MRPS27: variants seen among roughly 807,000 people sequenced by gnomAD.
MRPS27 encodes mitochondrial ribosomal protein S27.
MRPS27 carries 43 observed loss-of-function variants against 48.9 expected under a neutral mutation model. The ratio of observed to expected loss-of-function variants is 0.88; its 90% CI spans 0.69 to 1.13. MRPS27 has a LOEUF of 1.13. MRPS27 is among the 50% of genes most tolerant of loss of function. The pLI, the probability that MRPS27 is intolerant of heterozygous loss-of-function variation, is 0.00. For missense variants in MRPS27, 467 were observed against 476.3 expected, an observed-to-expected ratio of 0.98 and a Z score of 0.18; for synonymous variants, 188 against 171.9, an observed-to-expected ratio of 1.09 and a Z score of -0.73.
intron 4 of MRPS27, chr5:72,241,529 A>G: frequency 9.8e-7 from 1 of 1,020,014 alleles, no homozygotes; most frequent in Non-Finnish European, 1.4e-6. Context: ...TTGGATGGCA[A>G]GTTTGAGAAG....
intron 3 of MRPS27, 74 bp downstream of exon 3, chr5:72,297,558 G>A (rs954911920): frequency 3.5e-6 from 3 of 867,678 alleles, no homozygotes; most frequent in Admixed American, 4.4e-5. Flanking sequence ...TATTTACACA[G>A]CCTCATCTAC....
chr5:72,289,489 T>C (rs187005255), intron 4 of MRPS27, among the ~76,000 whole-genome samples: 93 of 152,098 alleles, frequency 6.1e-4, no homozygotes, highest in African/African-American at 2.2e-3. Flanking sequence ...TGGTATGACC[T>C]CGGTTCACTG....
chr5:72,267,138 A>C (rs1749125185), intron 4 of MRPS27, among the ~76,000 whole-genome samples: 1 of 152,214 alleles, frequency 6.6e-6, no homozygotes, highest in South Asian at 2.1e-4. Flanking sequence ...AGCAATGCTA[A>C]AGAATCTGAC....
At position 72,314,072 on chromosome 5, in the gene MRPS27, G is replaced by T. The variant is rs754049227; in HGVS notation, c.151+9C>A. ...AAATGACACATATAATAGTCCAATA[G>T]GTACCTACCAAGACAGTAATGTTCT... On this transcript the variant is annotated intron_variant, in intron 2 of 10. Coordinates refer to ENST00000261413, the MANE Select transcript of MRPS27 (RefSeq NM_015084.3). 22 of 1,605,962 alleles carry T rather than the reference G, an allele frequency of 1.4e-5. No individual in the cohort carries two copies. In the East Asian group the frequency reaches 4.5e-4, roughly 33 times the overall value.
rs1417041352 is a variant in MRPS27, at chr5:72,302,111, T to C, written c.152-4409A>G. Among the ~76,000 whole-genome samples, 7 of 152,320 alleles carry C rather than the reference T, an allele frequency of 4.6e-5. No homozygotes were observed. In the South Asian group the frequency reaches 8.3e-4, roughly 18 times the overall value. On this transcript the variant is annotated intron_variant, in intron 2 of 10. Coordinates refer to ENST00000261413, the MANE Select transcript of MRPS27 (RefSeq NM_015084.3). ...ATTTGAATTCTTCATTTAACAAAAC[T>C]TGAAGCTAGACAGACAATGTGGAAG...
intron 4 of MRPS27, among the ~76,000 whole-genome samples, chr5:72,253,387 T>A (rs1460228745): frequency 6.6e-6 from 1 of 152,180 alleles, no homozygotes; most frequent in East Asian, 1.9e-4. Context: ...AACTAGTCAA[T>A]GGATTATATA....
chr5:72,285,857 A>G (rs191900452), intron 4 of MRPS27, among the ~76,000 whole-genome samples: 13 of 152,302 alleles, frequency 8.5e-5, no homozygotes, highest in Middle Eastern at 3.4e-3. Context: ...ATTATATAAT[A>G]TCCTTCCTTT....
chr5:72,279,704 A>T (rs1437543349), intron 4 of MRPS27, among the ~76,000 whole-genome samples: 1 of 152,184 alleles, frequency 6.6e-6, no homozygotes, highest in Non-Finnish European at 1.5e-5. Flanking sequence ...CCCCAAAAAC[A>T]ATTATCACTT....
At chr5:72,269,030 G>A (rs1462006930) in intron 4 of MRPS27, among the ~76,000 whole-genome samples, 4 of 152,180 alleles carry the variant, frequency 2.6e-5, no homozygotes, top group Non-Finnish European at 5.9e-5. Flanking sequence ...AGGAGGGAAG[G>A]GAGGGAATAT....
chr5:72,226,366 T>TTA, intron 8 of MRPS27, 167 bp from the exon 9 acceptor site: 1 of 699,310 alleles, frequency 1.4e-6, no homozygotes, highest in Non-Finnish European at 2.3e-6. Flanking sequence ...ACACTTCAGA[T>TTA]GGATAATGAC....
At position 72,306,739 on chromosome 5, in the gene MRPS27, GATTA is replaced by G. The variant is rs371152779; in HGVS notation, c.151+7338_151+7341del. Among the ~76,000 whole-genome samples the G allele has an allele frequency of 9.8e-5, 15 of 152,292 alleles. No individual in the cohort carries two copies. In the East Asian group the frequency reaches 2.7e-3, roughly 27 times the overall value. ...AAGTACTAGTTTTTTAGAATAGTAT[GATTA>G]ATTACGTTTTTAAAAATCCTTATCT... On this transcript the variant is annotated intron_variant, in intron 2 of 10. Coordinates refer to ENST00000261413, the MANE Select transcript of MRPS27 (RefSeq NM_015084.3).
intron 5 of MRPS27, among the ~76,000 whole-genome samples, chr5:72,235,597 T>C (rs1748182003): frequency 6.6e-6 from 1 of 152,156 alleles, no homozygotes; most frequent in Non-Finnish European, 1.5e-5. Flanking sequence ...TATGCATGTG[T>C]TGGGGCAGGG....
intron 4 of MRPS27, among the ~76,000 whole-genome samples, chr5:72,253,117 G>A (rs759543684): frequency 3.2e-4 from 49 of 152,168 alleles, no homozygotes; most frequent in Non-Finnish European, 6.0e-4. Flanking sequence ...GGGTCCTATG[G>A]TTCGACTGCC....
intron 4 of MRPS27, among the ~76,000 whole-genome samples, chr5:72,246,940 A>G (rs564223861): frequency 5.3e-4 from 80 of 152,306 alleles, no homozygotes; most frequent in African/African-American, 1.6e-3. Flanking sequence ...AAAAATAAAC[A>G]TCTCTTCTAA....
At chr5:72,296,058 T>C (rs1749972206) in intron 3 of MRPS27, among the ~76,000 whole-genome samples, 1 of 152,204 alleles carries the variant, frequency 6.6e-6, no homozygotes. Flanking sequence ...AACGATTTTT[T>C]CTACTTTGAT....
chr5:72,302,452 G>C (rs1750150890), intron 2 of MRPS27, among the ~76,000 whole-genome samples: 1 of 152,142 alleles, frequency 6.6e-6, no homozygotes, highest in South Asian at 2.1e-4. Context: ...ACCATGGGAG[G>C]GAACACAAAA....
intron 10 of MRPS27, among the ~76,000 whole-genome samples, chr5:72,221,531 C>A (rs2111926166): frequency 6.6e-6 from 1 of 152,276 alleles, no homozygotes; most frequent in Non-Finnish European, 1.5e-5. Flanking sequence ...ACAAAGACAG[C>A]CAGCCTCTAA....
rs1342993903 is a variant in MRPS27 at position 72,238,138 on chromosome 5, C to G, written c.282-10G>C. 1 of 1,596,616 alleles carries G rather than the reference C, an allele frequency of 6.3e-7. No homozygotes were observed. On this transcript the variant is annotated splice_polypyrimidine_tract_variant and intron_variant, in intron 4 of 10. Transcript: ENST00000261413. ...GGGGCTGTGTCGAAACCTAAATAAG[C>G]ACAAGAAGAGAGAAAACTGGTGTTA... is the stretch of plus-strand genomic sequence containing the variant.
chr5:72,312,621 ATTTT>A (rs1053626658), intron 2 of MRPS27, among the ~76,000 whole-genome samples: 5 of 138,204 alleles, frequency 3.6e-5, no homozygotes, highest in African/African-American at 1.3e-4. Context: ...AATCATACTG[ATTTT>A]TTTTTTTTTT....
Sources: allele counts gnomAD v4.1 joint callset (sites outside exome capture counted in the v4.1 genomes callset), GRCh38; gene constraint gnomAD v4.1.1; transcripts MANE v1.5; gene names NCBI Gene and HGNC (gene_info 2026-07-23, HGNC 2026-07-21).